PI4K2A: variants seen among roughly 807,000 people sequenced by gnomAD.
PI4K2A encodes the protein phosphatidylinositol 4-kinase type 2 alpha, also known as phosphatidylinositol 4-kinase type 2-alpha.
PI4K2A carries 20 observed loss-of-function variants against 55.0 expected under a neutral mutation model. That is an observed-to-expected ratio of 0.36 (90% CI 0.26 to 0.53). PI4K2A has a LOEUF of 0.53. Ranked by LOEUF, PI4K2A falls within the 20% of genes least tolerant of loss-of-function variation. PI4K2A has a pLI of 0.91. For missense variants in PI4K2A, 463 were observed against 637.1 expected (o/e 0.73, Z 2.94); for synonymous variants, 235 against 258.5 (o/e 0.91, Z 0.87).
intron 8 of PI4K2A, among the ~76,000 whole-genome samples, chr10:97,668,629 T>C (rs2041620986): frequency 6.6e-6 from 1 of 152,038 alleles, no homozygotes; most frequent in Non-Finnish European, 1.5e-5. Flanking sequence ...GATAAATGAT[T>C]TGAAACAGTT....
At chr10:97,674,514 T>C (rs183366720) in exon 9 of PI4K2A, 1 of 152,352 alleles carries the variant, frequency 6.6e-6, no homozygotes, top group East Asian at 1.9e-4. Context: ...TATATTTTAA[T>C]AGGAAGTTGA....
chr10:97,641,416 T>C (rs1329437315), intron 1 of PI4K2A, among the ~76,000 whole-genome samples: 3 of 151,790 alleles, frequency 2.0e-5, no homozygotes, highest in African/African-American at 7.3e-5. Flanking sequence ...ATTGACCAGA[T>C]ACGGGCCGGG....
intron 4 of PI4K2A, among the ~76,000 whole-genome samples, chr10:97,661,523 T>C (rs938540811): frequency 2.6e-5 from 4 of 152,000 alleles, no homozygotes; most frequent in African/African-American, 9.7e-5. Context: ...ATATCTTTCC[T>C]TTCTGTTTTT....
At chr10:97,641,325 G>A in intron 1 of PI4K2A, 148 bp downstream of exon 1, 1 of 612,642 alleles carries the variant, frequency 1.6e-6, no homozygotes, top group Non-Finnish European at 2.8e-6. Flanking sequence ...GAGGACTGGA[G>A]CTGGGGACGC....
rs1168221510 is a variant in PI4K2A at position 97,659,550 on chromosome 10, G to A, written c.922+2576G>A. 2.0e-5 allele frequency among the ~76,000 whole-genome samples: 3 copies of A among 150,666 alleles called. No individual in the cohort carries two copies. In the East Asian group the frequency reaches 5.8e-4, roughly 29 times the overall value. On this transcript the variant is annotated intron_variant, in intron 4 of 8. Transcript: ENST00000370631. ...GCTCTAAGACTTCCAGTACTATGTTGAATAGAAGTAAAAGCAGGCATCTTT... is the reference window on the plus strand; with the variant it reads ...GCTCTAAGACTTCCAGTACTATGTTAAATAGAAGTAAAAGCAGGCATCTTT...
exon 9 of PI4K2A, chr10:97,675,282 A>G (rs2041657493): frequency 6.6e-6 from 1 of 152,396 alleles, no homozygotes; most frequent in African/African-American, 2.4e-5. Flanking sequence ...CCCTCTGGTC[A>G]GCTGGTCCAG....
intron 1 of PI4K2A, among the ~76,000 whole-genome samples, chr10:97,649,608 G>GTTTTTT: frequency 4.1e-5 from 3 of 73,912 alleles, no homozygotes; most frequent in Non-Finnish European, 9.3e-5. Flanking sequence ...TTCCATAATA[G>GTTTTTT]ATTTTTTTTT....
intron 1 of PI4K2A, 93 bp from the exon 2 acceptor site, chr10:97,650,848 C>G: frequency 2.2e-6 from 2 of 908,602 alleles, no homozygotes; most frequent in Non-Finnish European, 3.5e-6. Flanking sequence ...CTGCCTATGC[C>G]CTGTCATTTC....
intron 8 of PI4K2A, among the ~76,000 whole-genome samples, chr10:97,671,630 TTTTGTTTG>T (rs370299992): frequency 6.6e-6 from 1 of 152,088 alleles, no homozygotes. Context: ...GCTTTTTACT[TTTTGTTTG>T]TTTGTTTGTT....
chr10:97,655,498 A>G (rs1277522933), intron 2 of PI4K2A, among the ~76,000 whole-genome samples: 1 of 152,146 alleles, frequency 6.6e-6, no homozygotes, highest in African/African-American at 2.4e-5. Context: ...GACAGTGTTA[A>G]TCCTTGTACT....
chr10:97,653,736 G>A (rs964379436), intron 2 of PI4K2A, among the ~76,000 whole-genome samples: 2 of 152,186 alleles, frequency 1.3e-5, no homozygotes, highest in African/African-American at 2.4e-5. Context: ...GGCCAACAGG[G>A]TGAAACCCTG....
exon 9 of PI4K2A, chr10:97,674,559 G>A (rs1296527070): frequency 6.6e-6 from 1 of 152,256 alleles, no homozygotes; most frequent in African/African-American, 2.4e-5. Context: ...CGCAGCCGGA[G>A]TGTATGCCGG....
At chr10:97,663,204 T>C (rs895442134) in intron 5 of PI4K2A, among the ~76,000 whole-genome samples, 1 of 152,256 alleles carries the variant, frequency 6.6e-6, no homozygotes. Context: ...TTGGAACATA[T>C]TATGTACTCT....
rs1190960366 is a variant in PI4K2A, at chr10:97,649,780, T to C, written c.436-1161T>C. Among the ~76,000 whole-genome samples, 8 of 151,698 alleles carry C rather than the reference T, an allele frequency of 5.3e-5. No individual in the cohort carries two copies. The East Asian group carries it at 1.4e-3, about 26-fold the overall frequency. On this transcript the variant is annotated intron_variant, in intron 1 of 8. Coordinates refer to ENST00000370631, the Ensembl canonical transcript of PI4K2A. ...CTGGGATTACAGGTGCATGCCACCA[T>C]GCCCAGCTAATTTTTGTATTTTTAG... is the stretch of plus-strand genomic sequence containing the variant.
intron 4 of PI4K2A, among the ~76,000 whole-genome samples, chr10:97,660,149 C>G (rs1171189551): frequency 1.4e-5 from 2 of 145,070 alleles, no homozygotes; most frequent in Non-Finnish European, 3.0e-5. Flanking sequence ...CTACAGGCGC[C>G]TGCTACCACG....
chr10:97,664,872 C>A lies in PI4K2A; in HGVS notation c.985-13C>A, dbSNP rs1180071285. The A allele has an allele frequency of 1.3e-6, 2 of 1,598,908 alleles. No individual in the cohort carries two copies. The highest frequency in any genetic ancestry group is 1.7e-6 in the Non-Finnish European group (2 of 1,166,286). On this transcript the variant is annotated splice_polypyrimidine_tract_variant and intron_variant, in intron 5 of 8. Transcript: ENST00000370631. ...TGGGTTTCCTCAGTCATTAGTCTTT[C>A]CTTGCTCTTCAGGACACAGACTGGG...
chr10:97,660,141 A>C (rs2041574028), intron 4 of PI4K2A, among the ~76,000 whole-genome samples: 1 of 150,104 alleles, frequency 6.7e-6, no homozygotes, highest in Non-Finnish European at 1.5e-5. Flanking sequence ...AGCTGGGACT[A>C]CAGGCGCCTG....
chr10:97,662,392 G>A (rs1304977436), intron 4 of PI4K2A, among the ~76,000 whole-genome samples: 1 of 152,158 alleles, frequency 6.6e-6, no homozygotes, highest in Admixed American at 6.6e-5. Flanking sequence ...ATCCTGTCTG[G>A]AGGAAGATTT....
At position 97,652,753 on chromosome 10, in the gene PI4K2A, C is replaced by T. The variant is rs75969763; in HGVS notation, c.636+1612C>T. On this transcript the variant is annotated intron_variant, in intron 2 of 8. Coordinates refer to ENST00000370631, the Ensembl canonical transcript of PI4K2A. ...TGCTACTAAACTCCAAACAATTAGC[C>T]AACTAGTTTGTAAGTTATAGAAGTC... Among the ~76,000 whole-genome samples the T allele has an allele frequency of 3.0e-3, 462 of 152,264 alleles. 3 individuals are homozygous for T. Among genetic ancestry groups the T allele is most frequent in the Admixed American group, 0.018 (278 of 15,290 alleles).
Sources: gnomAD v4.1 joint callset for allele counts (sites outside exome capture counted in the v4.1 genomes callset) on GRCh38, gnomAD v4.1.1 for gene constraint, MANE v1.5 for transcripts, NCBI Gene and HGNC (gene_info 2026-07-23, HGNC 2026-07-21) for gene names.